Variants in NLGN4X observed in about 807,000 individuals in gnomAD.
NLGN4X encodes neuroligin-4, X-linked.
A neutral mutation model predicts 40.3 loss-of-function variants in NLGN4X; 3 were observed. The observed-to-expected ratio is 0.07, with a 90% CI of 0.03 to 0.19. NLGN4X has a LOEUF of 0.19. Ranked by LOEUF, NLGN4X falls within the 10% of genes least tolerant of loss-of-function variation. The pLI, the probability that NLGN4X is intolerant of heterozygous loss-of-function variation, is 1.00. For missense variants in NLGN4X, 382 were observed against 708.3 expected, an observed-to-expected ratio of 0.54 and a Z score of 5.23; for synonymous variants, 270 against 306.8, an observed-to-expected ratio of 0.88 and a Z score of 1.25.
chrX:5,991,097 G>A (rs973935062), intron 3 of NLGN4X, among the ~76,000 whole-genome samples: 2 of 111,816 alleles, frequency 1.8e-5, no homozygotes, highest in African/African-American at 6.5e-5. Flanking sequence ...AAGGACACAC[G>A]CACAATAGGG....
intron 3 of NLGN4X, among the ~76,000 whole-genome samples, chrX:5,994,921 C>T (rs1316201636): frequency 8.9e-6 from 1 of 112,687 alleles, no homozygotes; most frequent in Non-Finnish European, 1.9e-5. Flanking sequence ...TATTTACTTA[C>T]ACTGATAAGT....
intron 3 of NLGN4X, among the ~76,000 whole-genome samples, chrX:5,922,904 A>G (rs1465505132): frequency 2.7e-5 from 3 of 111,394 alleles, no homozygotes; most frequent in Non-Finnish European, 5.7e-5. Context: ...AAAATTAAAA[A>G]ACAAGAAAAA....
intron 1 of NLGN4X, among the ~76,000 whole-genome samples, chrX:6,176,174 T>A (rs2040730560): frequency 9.0e-6 from 1 of 111,563 alleles, no homozygotes; most frequent in Non-Finnish European, 1.9e-5. Flanking sequence ...CTCTGTGCAA[T>A]CCAGTTGAGT....
intron 3 of NLGN4X, among the ~76,000 whole-genome samples, chrX:6,001,563 T>C (rs759741716): frequency 8.9e-6 from 1 of 112,165 alleles, no homozygotes; most frequent in Admixed American, 9.5e-5. Context: ...CACCTACTGG[T>C]TTTAGATCGG....
intron 2 of NLGN4X, among the ~76,000 whole-genome samples, chrX:6,077,795 G>C (rs1407029015): frequency 9.0e-6 from 1 of 111,608 alleles, no homozygotes; most frequent in Non-Finnish European, 1.9e-5. Context: ...TTTGGCTTAT[G>C]ACCAAAACCA....
intron 2 of NLGN4X, among the ~76,000 whole-genome samples, chrX:6,035,788 A>C (rs1450567527): frequency 8.9e-6 from 1 of 111,760 alleles, no homozygotes; most frequent in East Asian, 2.8e-4. Flanking sequence ...GAAGATGAGG[A>C]TGAAGATCTT....
chrX:6,023,955 C>T (rs2036615983), intron 3 of NLGN4X, among the ~76,000 whole-genome samples: 1 of 111,073 alleles, frequency 9.0e-6, no homozygotes, highest in Non-Finnish European at 1.9e-5. Context: ...AAGATGCATT[C>T]TCTTTTACAT....
At position 6,078,393 on chromosome X, in the gene NLGN4X, A is replaced by G. The variant is rs2038259108; in HGVS notation, c.473-48961T>C. On this transcript the variant is annotated intron_variant, in intron 2 of 5. Transcript: ENST00000381095. ...ACTCATTTAACCTATTCCTATGCAT[A>G]TGTGTTGCTACTGCTATGGGTAGTG... is the stretch of plus-strand genomic sequence containing the variant. Among the ~76,000 whole-genome samples, 7 of 111,519 alleles carry G rather than the reference A, an allele frequency of 6.3e-5. No homozygotes were observed. In the South Asian group the frequency reaches 2.6e-3, roughly 42 times the overall value.
intron 2 of NLGN4X, among the ~76,000 whole-genome samples, chrX:6,032,020 G>A (rs1167731695): frequency 9.1e-6 from 1 of 109,877 alleles, no homozygotes; most frequent in African/African-American, 3.3e-5. Context: ...AACATAGCTA[G>A]CTTTTTGTCC....
intron 3 of NLGN4X, among the ~76,000 whole-genome samples, chrX:5,945,970 G>A (rs1195265248): frequency 4.5e-5 from 5 of 111,308 alleles, no homozygotes; most frequent in Non-Finnish European, 9.4e-5. Context: ...TAGAACCAAG[G>A]GTTTATTTCT....
chrX:6,049,574 G>A (rs1226333904), intron 2 of NLGN4X, among the ~76,000 whole-genome samples: 48 of 109,370 alleles, frequency 4.4e-4, no homozygotes, highest in Non-Finnish European at 3.2e-4. Context: ...TCCATCTGAG[G>A]GTTTTCTCAT....
chrX:5,993,408 T>C (rs2035736359), intron 3 of NLGN4X, among the ~76,000 whole-genome samples: 1 of 111,983 alleles, frequency 8.9e-6, no homozygotes, highest in East Asian at 2.8e-4. Context: ...AATCAGATCA[T>C]TGTTATGGAT....
At chrX:6,150,194 T>A (rs2040135458) in intron 2 of NLGN4X, among the ~76,000 whole-genome samples, 1 of 112,157 alleles carries the variant, frequency 8.9e-6, no homozygotes, top group Admixed American at 9.5e-5. Context: ...CATTATGGCA[T>A]ACTTTAGTCT....
At position 6,070,713 on chromosome X, in the gene NLGN4X, T is replaced by C. The variant is rs755813497; in HGVS notation, c.473-41281A>G. ...TAATTTAAGAAGGAAAGAGGTTTAA[T>C]TGACCTCCGCATGGCATGGGGGGCC... is the stretch of plus-strand genomic sequence containing the variant. On this transcript the variant is annotated intron_variant, in intron 2 of 5. Coordinates refer to ENST00000381095, the MANE Select transcript of NLGN4X (RefSeq NM_181332.3). Among the ~76,000 whole-genome samples the C allele has an allele frequency of 4.5e-5, 5 of 112,343 alleles. No homozygotes were observed. The South Asian group carries it at 1.8e-3, about 42-fold the overall frequency.
chrX:6,078,438 T>C (rs1192496551), intron 2 of NLGN4X, among the ~76,000 whole-genome samples: 1 of 111,556 alleles, frequency 9.0e-6, no homozygotes, highest in Non-Finnish European at 1.9e-5. Flanking sequence ...TCTAGACACC[T>C]GGCCTTCTTC....
intron 2 of NLGN4X, among the ~76,000 whole-genome samples, chrX:6,143,158 T>C (rs1602309532): frequency 8.9e-6 from 1 of 112,425 alleles, no homozygotes; most frequent in African/African-American, 3.2e-5. Context: ...TGCTGGCTAC[T>C]AAGCACTTTA....
intron 2 of NLGN4X, among the ~76,000 whole-genome samples, chrX:6,031,876 T>TA (rs752736340): frequency 4.6e-5 from 5 of 109,796 alleles, no homozygotes; most frequent in East Asian, 5.7e-4. Flanking sequence ...TACCATCTTT[T>TA]AAAAAAAAAT....
intron 2 of NLGN4X, among the ~76,000 whole-genome samples, chrX:6,121,873 G>C (rs1347008553): frequency 2.7e-5 from 3 of 112,622 alleles, no homozygotes; most frequent in Non-Finnish European, 5.6e-5. Context: ...CTCACTGTCT[G>C]GGCGGATCAA....
intron 1 of NLGN4X, among the ~76,000 whole-genome samples, chrX:6,169,120 C>T (rs2040554385): frequency 9.0e-6 from 1 of 111,459 alleles, no homozygotes; most frequent in Non-Finnish European, 1.9e-5. Flanking sequence ...AAAGGTATCC[C>T]CAAGACAGAA....
Sources: allele counts gnomAD v4.1 joint callset (sites outside exome capture counted in the v4.1 genomes callset), GRCh38; gene constraint gnomAD v4.1.1; transcripts MANE v1.5; gene names NCBI Gene and HGNC (gene_info 2026-07-23, HGNC 2026-07-21).